GHR: variants seen among roughly 807,000 people sequenced by gnomAD.
GHR encodes the protein growth hormone receptor, also known as GH receptor.
GHR carries 35 observed loss-of-function variants against 67.1 expected under a neutral mutation model. The observed-to-expected ratio is 0.52, with a 90% CI of 0.40 to 0.69. GHR has a LOEUF of 0.69. GHR is among the 30% of genes least tolerant of loss of function. The pLI, the probability that GHR is intolerant of heterozygous loss-of-function variation, is 0.00. For synonymous variants in GHR, 272 were observed against 269.1 expected (o/e 1.01, Z -0.10); for missense variants, 792 against 764.6 (o/e 1.04, Z -0.42).
In GHR at chr5:42,634,705, A is replaced by C. The variant is rs181720218; in HGVS notation, c.136+5602A>C. 4.5e-4 allele frequency among the ~76,000 whole-genome samples: 68 copies of C among 152,294 alleles called. 1 individual carries two copies. The East Asian group carries it at 0.011, about 25-fold the overall frequency. ...TTGTCTATTGCTGAGTATAAATACT[A>C]TGCCTTTCCGAAAAGCCTTCCACAG... On this transcript the variant is annotated intron_variant, in intron 3 of 9. Coordinates refer to ENST00000230882, the MANE Select transcript of GHR (RefSeq NM_000163.5).
intron 3 of GHR, among the ~76,000 whole-genome samples, chr5:42,635,007 C>CAA (rs200793751): frequency 0.013 from 1,712 of 133,474 alleles, 38 homozygotes; most frequent in African/African-American, 0.045. Context: ...TTACCAAAAA[C>CAA]AAAAAAAAAA....
intron 1 of GHR, among the ~76,000 whole-genome samples, chr5:42,528,438 G>C (rs555246233): frequency 6.6e-6 from 1 of 152,294 alleles, no homozygotes; most frequent in Non-Finnish European, 1.5e-5. Context: ...AAGAAAACTT[G>C]AATTAGAAGT....
At chr5:42,601,865 AGGG>A (rs1752391546) in intron 2 of GHR, among the ~76,000 whole-genome samples, 1 of 152,062 alleles carries the variant, frequency 6.6e-6, no homozygotes, top group Non-Finnish European at 1.5e-5. Context: ...TTGTGTATCA[AGGG>A]TTGTTTATTA....
rs963747297 is a variant in GHR at position 42,424,720 on chromosome 5, G to T, written c.-12+765G>T. The T allele has an allele frequency of 9.8e-7, 1 of 1,022,956 alleles. No homozygotes were observed. Among genetic ancestry groups the T allele is most frequent in the Non-Finnish European group, 1.5e-6 (1 of 678,466 alleles). 63.4% of individuals were successfully genotyped at this position (1,022,956 alleles called of 1,614,324 possible). On this transcript the variant is annotated intron_variant, in intron 1 of 9. Transcript: ENST00000230882. The surrounding 1 kb of genome is among the most constrained non-coding windows in gnomAD (Gnocchi z 4.1). ...GGCTGCGGGTCAATGGGGTGGCCGC[G>T]TGTCTAGGGAGAGGGCGCTGGCGGC...
In GHR at chr5:42,424,882, G is replaced by A. The variant is rs2111854447; in HGVS notation, c.-12+927G>A. The stretch of plus-strand genomic sequence containing the variant: ...CGGTCTGGCGCGGACTGTGTGTCCT[G>A]AATGAGTGTACGTGTGCGCTGTGTG... On this transcript the variant is annotated intron_variant, in intron 1 of 9. Coordinates refer to ENST00000230882, the MANE Select transcript of GHR (RefSeq NM_000163.5). This position sits in a 1 kb window ranked among gnomAD's most constrained non-coding sequence, Gnocchi z 4.1. 2.1e-6 allele frequency: 1 copy of A among 480,876 alleles called. No homozygotes were observed. The highest frequency in any genetic ancestry group is 1.5e-4 in the East Asian group (1 of 6,514). The allele number at this position is 480,876 out of a possible 1,614,324, so 29.8% of individuals were successfully genotyped here. A position where few individuals can be genotyped will look rare whatever the true frequency, so the allele number is the denominator to read the frequency against.
intron 6 of GHR, among the ~76,000 whole-genome samples, chr5:42,706,727 C>A (rs6890032): frequency 0.021 from 3,247 of 152,124 alleles, 121 homozygotes; most frequent in African/African-American, 0.075. Context: ...GTTCTCTGTT[C>A]TGTTCCATTG....
intron 1 of GHR, among the ~76,000 whole-genome samples, chr5:42,476,485 C>T (rs1325357473): frequency 6.6e-6 from 1 of 152,158 alleles, no homozygotes; most frequent in Non-Finnish European, 1.5e-5. Flanking sequence ...TTCCAAAGTG[C>T]TGGGATTACA....
intron 2 of GHR, among the ~76,000 whole-genome samples, chr5:42,612,813 A>T (rs990652983): frequency 1.3e-5 from 2 of 152,084 alleles, no homozygotes; most frequent in Non-Finnish European, 2.9e-5. Context: ...CTTCCAGGAG[A>T]GATTTCAATC....
At chr5:42,604,432 A>G (rs192696636) in intron 2 of GHR, among the ~76,000 whole-genome samples, 1 of 152,270 alleles carries the variant, frequency 6.6e-6, no homozygotes, top group African/African-American at 2.4e-5. Flanking sequence ...CCTTTTTTGA[A>G]ATGAAAATCT....
intron 1 of GHR, among the ~76,000 whole-genome samples, chr5:42,473,991 C>T (rs1296601445): frequency 3.3e-5 from 5 of 151,740 alleles, no homozygotes; most frequent in Admixed American, 2.0e-4. Flanking sequence ...AGTTCAAAAC[C>T]AGCTTGGCCA....
intron 3 of GHR, among the ~76,000 whole-genome samples, chr5:42,673,582 T>G (rs1756425779): frequency 6.6e-6 from 1 of 152,180 alleles, no homozygotes; most frequent in African/African-American, 2.4e-5. Context: ...CATGGGATAC[T>G]ACACAGCAAT....
In GHR at chr5:42,646,099, T is replaced by TCCTG. The variant is rs543470016; in HGVS notation, c.136+16999_136+17002dup. Among the ~76,000 whole-genome samples the TCCTG allele has an allele frequency of 3.0e-4, 45 of 152,334 alleles. No homozygotes were observed. The South Asian group carries it at 3.3e-3, about 11-fold the overall frequency. The stretch of plus-strand genomic sequence containing the variant: ...TTTCCACAATATTATCTTCTATTCC[T>TCCTG]CCTGCCCCTAAGGTTCCATGGAGCA... On this transcript the variant is annotated intron_variant, in intron 3 of 9. Coordinates refer to ENST00000230882, the MANE Select transcript of GHR (RefSeq NM_000163.5).
intron 1 of GHR, among the ~76,000 whole-genome samples, chr5:42,563,196 T>G (rs1749714124): frequency 6.6e-6 from 1 of 152,132 alleles, no homozygotes; most frequent in South Asian, 2.1e-4. Flanking sequence ...AATTGGGGAT[T>G]TACTGTTATA....
intron 1 of GHR, among the ~76,000 whole-genome samples, chr5:42,557,348 G>A (rs946319442): frequency 6.6e-6 from 1 of 152,090 alleles, no homozygotes; most frequent in Non-Finnish European, 1.5e-5. Flanking sequence ...TTTGCTGATT[G>A]CTCTACCACA....
intron 1 of GHR, among the ~76,000 whole-genome samples, chr5:42,439,688 G>A (rs116530322): frequency 6.6e-6 from 1 of 152,172 alleles, no homozygotes; most frequent in Non-Finnish European, 1.5e-5. Context: ...CCTTACAGAA[G>A]ATACTTGTTG....
chr5:42,644,640 T>C (rs886206407), intron 3 of GHR, among the ~76,000 whole-genome samples: 23 of 152,072 alleles, frequency 1.5e-4, no homozygotes, highest in African/African-American at 5.6e-4. Context: ...GATATGATGT[T>C]GGTATGTTTT....
At chr5:42,594,177 G>A (rs1470672928) in intron 2 of GHR, among the ~76,000 whole-genome samples, 1 of 152,092 alleles carries the variant, frequency 6.6e-6, no homozygotes. Context: ...TTGACTTCTA[G>A]ACCAGCAGTT....
At chr5:42,431,635 G>A (rs1174965213) in intron 1 of GHR, among the ~76,000 whole-genome samples, 1 of 152,104 alleles carries the variant, frequency 6.6e-6, no homozygotes, top group Non-Finnish European at 1.5e-5. Flanking sequence ...TTTGATTAGG[G>A]CTTTCTTCTT....
intron 2 of GHR, among the ~76,000 whole-genome samples, chr5:42,627,063 C>T (rs28943886): frequency 0.015 from 2,307 of 152,202 alleles, 22 homozygotes; most frequent in South Asian, 0.029. Context: ...AATCAAATTA[C>T]GACTGTGTTT....
Sources: allele counts gnomAD v4.1 joint callset (sites outside exome capture counted in the v4.1 genomes callset), GRCh38; gene constraint gnomAD v4.1.1; non-coding constraint Gnocchi (gnomAD v3.1); transcripts MANE v1.5; gene names NCBI Gene and HGNC (gene_info 2026-07-23, HGNC 2026-07-21).